Variants in CATSPERE observed in about 807,000 individuals in gnomAD.
CATSPERE encodes catsper channel auxiliary subunit epsilon.
CATSPERE carries 93 observed loss-of-function variants against 114.1 expected under a neutral mutation model. That is an observed-to-expected ratio of 0.81 (90% CI 0.69 to 0.97). CATSPERE has a LOEUF of 0.97. Among genes scored for constraint, CATSPERE ranks in the 50% least tolerant of loss-of-function variants. The probability of loss-of-function intolerance (pLI) is 0.00; values close to 1 mark genes in which losing one functional copy is unlikely to be tolerated. For synonymous variants in CATSPERE, 341 were observed against 384.1 expected, an observed-to-expected ratio of 0.89 and a Z score of 1.31; for missense variants, 1,058 against 1,131.6, an observed-to-expected ratio of 0.93 and a Z score of 0.93.
intron 21 of CATSPERE, among the ~76,000 whole-genome samples, chr1:244,637,963 A>G (rs1674843160): frequency 6.6e-6 from 1 of 152,188 alleles, no homozygotes. Context: ...CAAAGGCAAT[A>G]TTATTCCTCC....
chr1:244,499,211 C>A lies in CATSPERE; in HGVS notation c.429+132C>A. The A allele has an allele frequency of 7.2e-6, 4 of 553,790 alleles. No individual in the cohort carries two copies. The South Asian group carries it at 1.3e-4, about 18-fold the overall frequency. The allele number at this position is 553,790 out of a possible 1,614,324, so 34.3% of individuals were successfully genotyped here. Reference sequence around the variant, plus strand: ...ACCTAACTAAATACATTTGCATGATCCCTTTTAGTTTAGCCATTATAGTAG... The same window carrying A: ...ACCTAACTAAATACATTTGCATGATACCTTTTAGTTTAGCCATTATAGTAG... On this transcript the variant is annotated intron_variant, in intron 7 of 21. Coordinates refer to ENST00000366534, the MANE Select transcript of CATSPERE (RefSeq NM_001130957.2).
intron 2 of CATSPERE, 79 bp from the exon 3 acceptor site, chr1:244,477,462 A>G: frequency 1.3e-6 from 1 of 762,476 alleles, no homozygotes. Context: ...AGGACCCAGA[A>G]AATTGAATCC....
At position 244,476,565 on chromosome 1, in the gene CATSPERE, A is replaced by G. The variant is rs539795595; in HGVS notation, c.115-976A>G. On this transcript the variant is annotated intron_variant, in intron 2 of 21. Coordinates refer to ENST00000366534, the MANE Select transcript of CATSPERE (RefSeq NM_001130957.2). Reference sequence around the variant, plus strand: ...TACACTATCCTATAATATCAAATCTATGAAACGGTTTACCACCAGTTATAA... The same window carrying G: ...TACACTATCCTATAATATCAAATCTGTGAAACGGTTTACCACCAGTTATAA... 2.6e-5 allele frequency among the ~76,000 whole-genome samples: 4 copies of G among 152,300 alleles called. No individual in the cohort carries two copies. In the South Asian group the frequency reaches 6.2e-4, roughly 24 times the overall value.
intron 10 of CATSPERE, among the ~76,000 whole-genome samples, chr1:244,562,509 C>T (rs1662731647): frequency 1.3e-5 from 2 of 152,156 alleles, no homozygotes; most frequent in African/African-American, 2.4e-5. Context: ...ATCCTTCTCA[C>T]TTACCCACCA....
chr1:244,518,753 T>G (rs1048113157), intron 8 of CATSPERE, 55 bp downstream of exon 8: 7 of 947,238 alleles, frequency 7.4e-6, no homozygotes, highest in African/African-American at 1.7e-5. Flanking sequence ...AAACTAGATT[T>G]TAAAATCCTA....
At chr1:244,553,626 CACACACACACACACACACAT>C in intron 9 of CATSPERE, among the ~76,000 whole-genome samples, 1 of 146,738 alleles carries the variant, frequency 6.8e-6, no homozygotes, top group African/African-American at 2.6e-5. Context: ...CACACACACA[CACACACACACACACACACAT>C]ACATATATAT....
upstream of CATSPERE, chr1:244,457,443 T>C (rs1158652776): frequency 1.3e-5 from 2 of 152,210 alleles, no homozygotes; most frequent in African/African-American, 2.4e-5. Flanking sequence ...TTTTATGTAA[T>C]GTTAAAAGAT....
chr1:244,610,285 C>A lies in CATSPERE; in HGVS notation c.2449C>A (p.Leu817Ile), dbSNP rs1670534746. 2 of 1,613,106 alleles carry A rather than the reference C, an allele frequency of 1.2e-6. No individual in the cohort carries two copies. Among genetic ancestry groups the A allele is most frequent in the Admixed American group, 3.3e-5 (2 of 59,952 alleles). ...ACAGACATGGAAGTCAATGATTGAA[C>A]TTAACAAGCACCTCCCACTAGAAGA... is the stretch of plus-strand genomic sequence containing the variant. ...EAQTWKSMIELNKHLPLEEVW... is the reference protein window; with the variant it reads ...EAQTWKSMIEINKHLPLEEVW... The change falls in exon 19 of 22, where the codon CTT becomes ATT. Residue 817 changes from leucine to isoleucine, a missense_variant. By Grantham distance (5) the Leu-to-Ile change is conservative. This residue lies in a region of CATSPERE where 787 missense variants were observed against 905.6 expected (regional missense o/e 0.87). Transcript: ENST00000366534.
At chr1:244,538,810 T>A (rs1680758038) in intron 8 of CATSPERE, among the ~76,000 whole-genome samples, 1 of 151,808 alleles carries the variant, frequency 6.6e-6, no homozygotes. Context: ...ACATTGGGAG[T>A]ACCAGCAGGG....
intron 2 of CATSPERE, among the ~76,000 whole-genome samples, chr1:244,475,770 C>G (rs112373869): frequency 0.018 from 2,736 of 149,116 alleles, 78 homozygotes; most frequent in African/African-American, 0.063. Flanking sequence ...CTCCTGACCT[C>G]GTGATCTGCC....
At chr1:244,523,249 C>G (rs1677914167) in intron 8 of CATSPERE, among the ~76,000 whole-genome samples, 1 of 148,676 alleles carries the variant, frequency 6.7e-6, no homozygotes, top group Admixed American at 6.6e-5. Context: ...ATGATTATCT[C>G]AATAGATGCA....
At chr1:244,482,261 G>T (rs1670381011) in intron 5 of CATSPERE, among the ~76,000 whole-genome samples, 1 of 152,110 alleles carries the variant, frequency 6.6e-6, no homozygotes. Flanking sequence ...GAGCCCAGGG[G>T]TTCAAGACCA....
At chr1:244,466,897 G>C (rs960263873) in intron 2 of CATSPERE, among the ~76,000 whole-genome samples, 1 of 152,130 alleles carries the variant, frequency 6.6e-6, no homozygotes, top group Non-Finnish European at 1.5e-5. Flanking sequence ...TGGACTTTTG[G>C]TACCACTGCC....
chr1:244,638,506 C>T (rs560499799), intron 21 of CATSPERE, among the ~76,000 whole-genome samples: 3 of 152,164 alleles, frequency 2.0e-5, no homozygotes, highest in African/African-American at 7.2e-5. Flanking sequence ...AGCTCATCCA[C>T]AATCATGACT....
rs910169457 is a variant in CATSPERE at position 244,575,894 on chromosome 1, T to C, written c.1950+3122T>C. On this transcript the variant is annotated intron_variant, in intron 11 of 21. Transcript: ENST00000366534. The surrounding 1 kb of genome is among the most constrained non-coding windows in gnomAD (Gnocchi z 4.5). ...CTCTCCCTAATGGGGATTTTTCACC[T>C]CTTTTTAACCTCTAAGACACCCTAA... Among the ~76,000 whole-genome samples the C allele has an allele frequency of 1.3e-5, 2 of 152,182 alleles. No individual in the cohort carries two copies. Among genetic ancestry groups the C allele is most frequent in the African/African-American group, 2.4e-5 (1 of 41,512 alleles).
chr1:244,560,928 G>A lies in CATSPERE; in HGVS notation c.1290G>A (p.Gln430=), dbSNP rs1392207068. 6.2e-7 allele frequency: 1 copy of A among 1,613,996 alleles called. No individual in the cohort carries two copies. The highest frequency in any genetic ancestry group is 1.3e-5 in the African/African-American group (1 of 74,928). The stretch of plus-strand genomic sequence containing the variant: ...TGATATATAATGAAGATACAAAACA[G>A]TGGGTTTCCCAAGACTTTACATTAG... ...FLVIYNEDTK[Q]WVSQDFTLDA... Residue 430 remains glutamine, a synonymous_variant, in exon 10 of 22, where the codon CAG becomes CAA. Coordinates refer to ENST00000366534, the MANE Select transcript of CATSPERE (RefSeq NM_001130957.2).
chr1:244,559,045 C>A (rs1662137425), intron 9 of CATSPERE, among the ~76,000 whole-genome samples: 1 of 152,192 alleles, frequency 6.6e-6, no homozygotes, highest in South Asian at 2.1e-4. Flanking sequence ...TCTCACCTCA[C>A]CTGCACGATT....
In CATSPERE at chr1:244,582,944, T is replaced by G. The variant is rs1286568834; in HGVS notation, c.2010-920T>G. Among the ~76,000 whole-genome samples the G allele has an allele frequency of 3.7e-3, 14 of 3,750 alleles. 1 individual carries two copies. Among genetic ancestry groups the G allele is most frequent in the Middle Eastern group, 0.33 (2 of 6 alleles). 2.5% of individuals were successfully genotyped at this position (3,750 alleles called of 152,430 possible). A position where few individuals can be genotyped will look rare whatever the true frequency, so the allele number is the denominator to read the frequency against. ...ATATATATATATATATATATATATA[T>G]ATATATATATATATATATATATATA... On this transcript the variant is annotated intron_variant, in intron 12 of 21. Coordinates refer to ENST00000366534, the MANE Select transcript of CATSPERE (RefSeq NM_001130957.2).
chr1:244,490,828 ATAGT>A (rs942936293), intron 6 of CATSPERE, among the ~76,000 whole-genome samples: 20 of 152,152 alleles, frequency 1.3e-4, no homozygotes, highest in Non-Finnish European at 2.2e-4. Context: ...CTTTTGAAAA[ATAGT>A]TATTTTTCAT....
Sources: gnomAD v4.1 joint callset for allele counts (sites outside exome capture counted in the v4.1 genomes callset) on GRCh38, gnomAD v4.1.1 for gene constraint, gnomAD v4.1.1 regional missense constraint, Gnocchi (gnomAD v3.1) non-coding constraint, MANE v1.5 for transcripts, NCBI Gene and HGNC (gene_info 2026-07-23, HGNC 2026-07-21) for gene names.